Variants in DPY19L2 observed in about 807,000 individuals in gnomAD.
The protein encoded by DPY19L2 is dpy-19 like 2, also known as probable C-mannosyltransferase DPY19L2.
A neutral mutation model predicts 97.9 loss-of-function variants in DPY19L2; 34 were observed. The observed-to-expected ratio is 0.35, with a 90% confidence interval of 0.26 to 0.46. The LOEUF is 0.46. Among genes scored for constraint, DPY19L2 ranks in the 20% least tolerant of loss-of-function variants. The pLI, the probability that DPY19L2 is intolerant of heterozygous loss-of-function variation, is 1.00. For synonymous variants in DPY19L2, 230 were observed against 307.9 expected (o/e 0.75, Z 2.65); for missense variants, 623 against 911.4 (o/e 0.68, Z 4.07).
chr12:63,663,960 A>C, intron 2 of DPY19L2, 115 bp from the exon 3 acceptor site: 1 of 692,184 alleles, frequency 1.4e-6, no homozygotes, highest in East Asian at 3.0e-5. Flanking sequence ...TTAATTTTAT[A>C]ATTTGCTTAC....
intron 21 of DPY19L2, among the ~76,000 whole-genome samples, chr12:63,566,610 T>C: frequency 6.6e-6 from 1 of 151,956 alleles, no homozygotes; most frequent in Non-Finnish European, 1.5e-5. Flanking sequence ...ATCCAGGATC[T>C]TGAGTGTATC....
At chr12:63,580,928 T>C (rs1880770195) in intron 18 of DPY19L2, 92 bp from the exon 19 acceptor site, 1 of 1,317,508 alleles carries the variant, frequency 7.6e-7, no homozygotes, top group African/African-American at 1.5e-5. Flanking sequence ...CAAACCAATG[T>C]GAATTACCCT....
chr12:63,625,523 G>A (rs1481837961), intron 7 of DPY19L2, among the ~76,000 whole-genome samples: 1 of 152,156 alleles, frequency 6.6e-6, no homozygotes, highest in Admixed American at 6.6e-5. Flanking sequence ...ATCTAGCAGA[G>A]CATGGACATG....
At chr12:63,601,511 C>T (rs1242993724) in intron 12 of DPY19L2, among the ~76,000 whole-genome samples, 7 of 152,172 alleles carry the variant, frequency 4.6e-5, no homozygotes, top group Admixed American at 3.9e-4. Flanking sequence ...ACCTATGAAT[C>T]GAAAAGGAGG....
chr12:63,663,100 C>CA (rs1895894434), intron 3 of DPY19L2, among the ~76,000 whole-genome samples: 1 of 152,060 alleles, frequency 6.6e-6, no homozygotes, highest in African/African-American at 2.4e-5. Flanking sequence ...ATAATTTAAA[C>CA]AAAAAGCAAT....
At chr12:63,609,807 C>A (rs1886651227) in intron 11 of DPY19L2, among the ~76,000 whole-genome samples, 1 of 152,122 alleles carries the variant, frequency 6.6e-6, no homozygotes, top group South Asian at 2.1e-4. Context: ...AAACTGAATT[C>A]TCGGACTTGC....
At chr12:63,561,937 GT>G (rs1876609198) in intron 21 of DPY19L2, among the ~76,000 whole-genome samples, 1 of 152,116 alleles carries the variant, frequency 6.6e-6, no homozygotes, top group Middle Eastern at 3.2e-3. Flanking sequence ...AGTTGTATCA[GT>G]TTTTGTAATT....
In DPY19L2 at chr12:63,626,466, A is replaced by G. The variant is rs760765577; in HGVS notation, c.861+3T>C. On this transcript the variant is annotated splice_donor_region_variant and intron_variant, in intron 7 of 21. Coordinates refer to ENST00000324472, the MANE Select transcript of DPY19L2 (RefSeq NM_173812.5). ...CTTAAAAATTGCTTTCTAGAAAACA[A>G]ACCTCTCCATGGTTGAAAAAGAAGC... The G allele has an allele frequency of 6.3e-7, 1 of 1,578,642 alleles. No individual in the cohort carries two copies. Among genetic ancestry groups the G allele is most frequent in the South Asian group, 1.2e-5 (1 of 83,730 alleles).
chr12:63,612,775 C>T (rs938874986), intron 11 of DPY19L2, among the ~76,000 whole-genome samples: 23 of 151,594 alleles, frequency 1.5e-4, no homozygotes, highest in Admixed American at 2.0e-4. Context: ...TGATATACCT[C>T]TAACCAGACT....
At position 63,560,584 on chromosome 12, in the gene DPY19L2, C is replaced by G. The variant is rs796124631; in HGVS notation, c.2205G>C (p.Leu735=). 1.2e-6 allele frequency: 2 copies of G among 1,613,934 alleles called. No homozygotes were observed. Among genetic ancestry groups the G allele is most frequent in the African/African-American group, 1.3e-5 (1 of 75,036 alleles). Residue 735 remains leucine (L), a synonymous_variant, in exon 22 of 22, where the codon CTG becomes CTC. Coordinates refer to ENST00000324472, the MANE Select transcript of DPY19L2 (RefSeq NM_173812.5). ...TGAAGTAAGGCCTGGCGTCTTCGAG[C>G]AGGACGCTACATAAGGGAGGGTTAG... The part of the protein sequence containing the change: ...NAANPPLCSV[L]LEDARPYFTT...
chr12:63,628,382 T>A (rs139466991), intron 6 of DPY19L2, among the ~76,000 whole-genome samples: 2,228 of 152,164 alleles, frequency 0.015, 25 homozygotes, highest in Non-Finnish European at 0.021. Flanking sequence ...AGTGCGCTTT[T>A]CCAACAGTCT....
At chr12:63,570,681 G>C in intron 20 of DPY19L2, 77 bp downstream of exon 20, 3 of 1,063,760 alleles carry the variant, frequency 2.8e-6, no homozygotes, top group Non-Finnish European at 4.2e-6. Flanking sequence ...GTGTGTGTGT[G>C]TGTGTAAAAT....
Position 63,624,068 on chromosome 12 carries a change from G to T in DPY19L2, c.925C>A (p.Gln309Lys). The T allele has an allele frequency of 1.9e-6, 3 of 1,611,324 alleles. No individual in the cohort carries two copies. The highest frequency in any genetic ancestry group is 2.5e-6 in the Non-Finnish European group (3 of 1,179,336). The stretch of plus-strand genomic sequence containing the variant: ...AGAATCAAAGTTAAAATACACATCT[G>T]AAGTACAAGGAAAGGATAGGAAAAA... ...ESFSYPFLVL[Q>K]MCILTLILRT... Residue 309 changes from glutamine (Q) to lysine (K), a missense_variant, in exon 8 of 22, where the codon CAG becomes AAG. Around this residue, in one of 6 missense-constraint regions of DPY19L2, gnomAD observed 67 missense variants for 88.0 expected, o/e 0.76. Coordinates refer to ENST00000324472, the MANE Select transcript of DPY19L2 (RefSeq NM_173812.5).
chr12:63,588,964 A>G (rs1269239193), intron 16 of DPY19L2, among the ~76,000 whole-genome samples: 1 of 151,946 alleles, frequency 6.6e-6, no homozygotes, highest in East Asian at 1.9e-4. Flanking sequence ...CATGTTAGCC[A>G]GGATGGCCTC....
intron 17 of DPY19L2, among the ~76,000 whole-genome samples, chr12:63,583,122 T>G (rs1881224639): frequency 6.6e-6 from 1 of 152,130 alleles, no homozygotes; most frequent in South Asian, 2.1e-4. Context: ...ATTCCAAAAT[T>G]CAATAAAATC....
At chr12:63,622,436 T>G in intron 8 of DPY19L2, among the ~76,000 whole-genome samples, 1 of 152,122 alleles carries the variant, frequency 6.6e-6, no homozygotes. Context: ...AACCGCAGAA[T>G]ATACTTGTCA....
At chr12:63,667,787 ATCT>A (rs1202652843) in intron 1 of DPY19L2, among the ~76,000 whole-genome samples, 2 of 151,914 alleles carry the variant, frequency 1.3e-5, no homozygotes, top group African/African-American at 2.4e-5. Context: ...TAATCTCATC[ATCT>A]TCTCTTGATC....
At chr12:63,635,762 G>A (rs1015688450) in intron 6 of DPY19L2, among the ~76,000 whole-genome samples, 4 of 152,160 alleles carry the variant, frequency 2.6e-5, no homozygotes, top group African/African-American at 9.6e-5. Context: ...AAGCCTCCAA[G>A]AAATATGGCA....
rs541254781 is a variant in DPY19L2 at position 63,581,746 on chromosome 12, G to A, written c.1725+660C>T. Reference sequence around the variant, plus strand: ...GATCTGCCCACCTCGGCCTTCCAAAGTGCTGGGATTTCAGGTGTGAGCCAC... The same window carrying A: ...GATCTGCCCACCTCGGCCTTCCAAAATGCTGGGATTTCAGGTGTGAGCCAC... On this transcript the variant is annotated intron_variant, in intron 18 of 21. Coordinates refer to ENST00000324472, the MANE Select transcript of DPY19L2 (RefSeq NM_173812.5). Among the ~76,000 whole-genome samples, 7 of 150,844 alleles carry A rather than the reference G, an allele frequency of 4.6e-5. No homozygotes were observed. In the East Asian group the frequency reaches 1.4e-3, roughly 29 times the overall value.
Sources: gnomAD v4.1 joint callset for allele counts (sites outside exome capture counted in the v4.1 genomes callset) on GRCh38, gnomAD v4.1.1 for gene constraint, gnomAD v4.1.1 regional missense constraint, MANE v1.5 for transcripts, NCBI Gene and HGNC (gene_info 2026-07-23, HGNC 2026-07-21) for gene names.